Variants in NUFIP2 observed in about 807,000 individuals in gnomAD.
The protein encoded by NUFIP2 is nuclear FMR1 interacting protein 2.
NUFIP2 carries 6 observed loss-of-function variants against 56.9 expected under a neutral mutation model. That is an observed-to-expected ratio of 0.11 (90% confidence interval 0.06 to 0.21). NUFIP2 has a LOEUF of 0.21. NUFIP2 is among the 10% of genes least tolerant of loss of function. NUFIP2 has a pLI of 1.00. For synonymous variants in NUFIP2, 321 were observed against 298.2 expected (o/e 1.08, Z -0.79); for missense variants, 828 against 826.8 (o/e 1.00, Z -0.02).
Position 29,287,276 on chromosome 17 carries a change from C to A in NUFIP2, c.718G>T (p.Val240Leu), listed in dbSNP as rs776489310. The A allele has an allele frequency of 1.2e-6, 2 of 1,614,048 alleles. No individual in the cohort carries two copies. The highest frequency in any genetic ancestry group is 1.7e-6 in the Non-Finnish European group (2 of 1,180,036). ...TCTTGTTGCATTATTTTGTCCTGCA[C>A]TATATTAAGGTTTTCACAACCCTTG... ...SAKGCENLNI[V>L]QDKIMQQETS... is the part of the protein sequence containing the mutation. The change falls in exon 2 of 4, where the codon GTG (valine) becomes TTG (leucine). Residue 240 changes from valine (V) to leucine (L), a missense_variant. Coordinates refer to ENST00000225388, the MANE Select transcript of NUFIP2 (RefSeq NM_020772.3).
rs892379147 is a variant in NUFIP2 at position 29,294,116 on chromosome 17, G to C, written c.-57C>G. The C allele has an allele frequency of 2.6e-6, 4 of 1,539,968 alleles. No homozygotes were observed. The highest frequency in any genetic ancestry group is 1.4e-5 in the African/African-American group (1 of 73,344). ...GCGGGCTGCTGCACCGTCAGGATCT[G>C]AGACTGCTTCTCAGGGCTCACTCAG... On this transcript the variant is annotated 5_prime_UTR_variant, in exon 1 of 4. Coordinates refer to ENST00000225388, the MANE Select transcript of NUFIP2 (RefSeq NM_020772.3).
chr17:29,292,745 C>T (rs113810835), intron 1 of NUFIP2, among the ~76,000 whole-genome samples: 7 of 150,030 alleles, frequency 4.7e-5, no homozygotes, highest in Non-Finnish European at 7.4e-5. Context: ...AACGCGGCCG[C>T]TGGCGCGCGG....
In NUFIP2 at chr17:29,263,429, C is replaced by T. The variant is rs938445251; in HGVS notation, c.*1110G>A. On this transcript the variant is annotated 3_prime_UTR_variant, in exon 4 of 4. Coordinates refer to ENST00000225388, the MANE Select transcript of NUFIP2 (RefSeq NM_020772.3). Reference sequence around the variant, plus strand: ...TATAGTTTGCATGAAAACACACCTTCTACAGTCAGGGTTTATTATCTTCTC... The same window carrying T: ...TATAGTTTGCATGAAAACACACCTTTTACAGTCAGGGTTTATTATCTTCTC... The T allele has an allele frequency of 6.6e-6, 1 of 152,574 alleles. No individual in the cohort carries two copies. The highest frequency in any genetic ancestry group is 1.5e-5 in the Non-Finnish European group (1 of 68,032). 9.5% of individuals were successfully genotyped at this position (152,574 alleles called of 1,614,324 possible).
chr17:29,287,123 G>T lies in NUFIP2; in HGVS notation c.871C>A (p.Arg291=), dbSNP rs1193744158. The T allele has an allele frequency of 6.2e-6, 10 of 1,613,954 alleles. No individual in the cohort carries two copies. In the East Asian group the frequency reaches 6.7e-5, roughly 11 times the overall value. Residue 291 remains arginine (R), a synonymous_variant, in exon 2 of 4, where the codon CGA becomes AGA. Coordinates refer to ENST00000225388, the MANE Select transcript of NUFIP2 (RefSeq NM_020772.3). The stretch of plus-strand genomic sequence containing the variant: ...ATATCACCCACAGCAGGTTTTCCTC[G>T]ACTTGTTCCTCCAGGCCCAGTTTCA... The part of the protein sequence containing the change: ...KYETGPGGTS[R]GKPAVGDMLR...
At chr17:29,280,262 A>G (rs1487189598) in intron 2 of NUFIP2, among the ~76,000 whole-genome samples, 2 of 152,230 alleles carry the variant, frequency 1.3e-5, no homozygotes, top group Non-Finnish European at 2.9e-5. Context: ...TATTATTTCC[A>G]AAGACTTGGC....
At chr17:29,282,171 A>C (rs2069144202) in intron 2 of NUFIP2, among the ~76,000 whole-genome samples, 1 of 152,144 alleles carries the variant, frequency 6.6e-6, no homozygotes, top group Non-Finnish European at 1.5e-5. Context: ...GTAATTGCTT[A>C]ATCTAAAAAC....
At chr17:29,273,497 T>TACACAC (rs61077728) in intron 2 of NUFIP2, among the ~76,000 whole-genome samples, 263 of 149,068 alleles carry the variant, frequency 1.8e-3, no homozygotes, top group Middle Eastern at 7.1e-3. Flanking sequence ...TGCTCTCTTC[T>TACACAC]ACACACACAC....
At chr17:29,289,005 G>A (rs1395726557) in intron 1 of NUFIP2, among the ~76,000 whole-genome samples, 5 of 152,156 alleles carry the variant, frequency 3.3e-5, no homozygotes, top group South Asian at 4.1e-4. Flanking sequence ...TTAGCTGGGC[G>A]TGGGGCATGT....
chr17:29,286,386 A>C lies in NUFIP2; in HGVS notation c.1608T>G (p.Phe536Leu), dbSNP rs774250609. Residue 536 changes from phenylalanine to leucine, a missense_variant, in exon 2 of 4, where the codon TTT becomes TTG. By Grantham distance (22) the Phe-to-Leu change is conservative (BLOSUM62 0). Transcript: ENST00000225388. The part of the protein sequence containing the change: ...SSEHKVMEVT[F>L]QGEYPATLVS... ...CCAAAGTAGCAGGATATTCTCCTTGAAATGTCACCTCCATCACTTTATGCT... is the reference window on the plus strand; with the variant it reads ...CCAAAGTAGCAGGATATTCTCCTTGCAATGTCACCTCCATCACTTTATGCT... The C allele has an allele frequency of 1.9e-6, 3 of 1,614,194 alleles. No homozygotes were observed. The Admixed American group carries it at 5.0e-5, about 27-fold the overall frequency.
chr17:29,285,532 A>T, intron 2 of NUFIP2, among the ~76,000 whole-genome samples: 1 of 151,732 alleles, frequency 6.6e-6, no homozygotes, highest in Non-Finnish European at 1.5e-5. Flanking sequence ...TGGAGGTTGC[A>T]GTGGGCCGGG....
At position 29,286,959 on chromosome 17, in the gene NUFIP2, C is replaced by T; in HGVS notation, c.1035G>A (p.Val345=). Residue 345 remains valine (V), a synonymous_variant, in exon 2 of 4, where the codon GTG becomes GTA. Transcript: ENST00000225388. ...TLFKPPPVFP[V]DNSSAKIVPK... ...GAACTATTTTAGCACTGCTATTGTCCACTGGAAAAACTGGGGGTGGTTTAA... is the reference window on the plus strand; with the variant it reads ...GAACTATTTTAGCACTGCTATTGTCTACTGGAAAAACTGGGGGTGGTTTAA... 1 of 1,614,086 alleles carries T rather than the reference C, an allele frequency of 6.2e-7. No homozygotes were observed. Among genetic ancestry groups the T allele is most frequent in the Non-Finnish European group, 8.5e-7 (1 of 1,180,010 alleles).
At chr17:29,272,863 C>CT (rs758997651) in intron 2 of NUFIP2, among the ~76,000 whole-genome samples, 25 of 140,592 alleles carry the variant, frequency 1.8e-4, no homozygotes, top group Non-Finnish European at 3.0e-4. Context: ...CTTTTCTTTT[C>CT]TTTTTTTTGA....
At chr17:29,277,012 T>C (rs1010796816) in intron 2 of NUFIP2, among the ~76,000 whole-genome samples, 1 of 152,208 alleles carries the variant, frequency 6.6e-6, no homozygotes, top group Admixed American at 6.5e-5. Context: ...AATAATACTA[T>C]TGTCTCAGCT....
At chr17:29,288,432 G>T (rs2069191432) in intron 1 of NUFIP2, among the ~76,000 whole-genome samples, 1 of 152,220 alleles carries the variant, frequency 6.6e-6, no homozygotes, top group Non-Finnish European at 1.5e-5. Context: ...GGAAATTAAA[G>T]ACTTCATTTC....
intron 2 of NUFIP2, among the ~76,000 whole-genome samples, chr17:29,281,775 T>A (rs2069141543): frequency 6.6e-6 from 1 of 150,478 alleles, no homozygotes; most frequent in Admixed American, 6.6e-5. Flanking sequence ...CCCCACCCTT[T>A]TTTTTTTTAG....
At chr17:29,273,459 A>G (rs1314820505) in intron 2 of NUFIP2, among the ~76,000 whole-genome samples, 1 of 152,102 alleles carries the variant, frequency 6.6e-6, no homozygotes, top group Non-Finnish European at 1.5e-5. Flanking sequence ...GGCGTGAGCC[A>G]TCACGCCCAG....
intron 2 of NUFIP2, among the ~76,000 whole-genome samples, chr17:29,282,848 TTC>T (rs1490609945): frequency 4.6e-5 from 7 of 150,928 alleles, no homozygotes; most frequent in Non-Finnish European, 8.8e-5. Flanking sequence ...TGATTATTAC[TTC>T]TTTTAGAGTT....
chr17:29,287,609 G>C lies in NUFIP2; in HGVS notation c.385C>G (p.Gln129Glu). 1 of 1,613,990 alleles carries C rather than the reference G, an allele frequency of 6.2e-7. No individual in the cohort carries two copies. The highest frequency in any genetic ancestry group is 8.5e-7 in the Non-Finnish European group (1 of 1,180,032). The change falls in exon 2 of 4, where the codon CAA (glutamine) becomes GAA (glutamate). Residue 129 changes from glutamine to glutamate, a missense_variant. This residue lies in a region of NUFIP2 where 415 missense variants were observed against 408.7 expected (regional missense o/e 1.02). Coordinates refer to ENST00000225388, the MANE Select transcript of NUFIP2 (RefSeq NM_020772.3). ...TGCTTCAGGCTAGTGTCTACAACTT[G>C]CTGGTTGCCATTGAGGACCCTGGAA... is the stretch of plus-strand genomic sequence containing the variant. ...PISRVLNGNQ[Q>E]VVDTSLKQTV...
At position 29,261,413 on chromosome 17, in the gene NUFIP2, A is replaced by AC. The variant is rs2089594420; in HGVS notation, c.*3125_*3126insG. On this transcript the variant is annotated 3_prime_UTR_variant, in exon 4 of 4. Transcript: ENST00000225388. ...TCACACACACATACATACATACATA[A>AC]ACACACACACACACACACACCCCTT... The AC allele has an allele frequency of 1.6e-5, 2 of 127,652 alleles. No homozygotes were observed. Among genetic ancestry groups the AC allele is most frequent in the Admixed American group, 7.5e-5 (1 of 13,342 alleles). 7.9% of individuals were successfully genotyped at this position (127,652 alleles called of 1,614,324 possible).
Sources: allele counts gnomAD v4.1 joint callset (sites outside exome capture counted in the v4.1 genomes callset), GRCh38; gene constraint gnomAD v4.1.1; regional missense constraint gnomAD v4.1.1; transcripts MANE v1.5; gene names NCBI Gene and HGNC (gene_info 2026-07-23, HGNC 2026-07-21).